Variants in PRKACB observed in about 807,000 individuals in gnomAD.
PRKACB encodes protein kinase cAMP-activated catalytic subunit beta.
In PRKACB, 16 loss-of-function variants were observed where a neutral mutation model predicts 51.4. That is an observed-to-expected ratio of 0.31 (90% confidence interval 0.21 to 0.47). PRKACB has a LOEUF of 0.47. Ranked by LOEUF, PRKACB falls within the 20% of genes least tolerant of loss-of-function variation. The probability of loss-of-function intolerance (pLI) is 1.00; values close to 1 mark genes in which losing one functional copy is unlikely to be tolerated. For synonymous variants in PRKACB, 147 were observed against 154.4 expected (o/e 0.95, Z 0.35); for missense variants, 309 against 464.5 (o/e 0.67, Z 3.08).
At chr1:84,086,313 C>G in intron 1 of PRKACB, 2 of 890,174 alleles carry the variant, frequency 2.2e-6, no homozygotes, top group Admixed American at 1.9e-5. Flanking sequence ...TCCCTCCTGT[C>G]TGGCCCCTGG....
At chr1:84,114,913 A>G (rs192926406) in intron 1 of PRKACB, among the ~76,000 whole-genome samples, 102 of 152,338 alleles carry the variant, frequency 6.7e-4, no homozygotes, top group African/African-American at 2.3e-3. Flanking sequence ...CATATATGCC[A>G]CATATTCTTT....
At chr1:84,087,815 G>A (rs913754960) in intron 1 of PRKACB, among the ~76,000 whole-genome samples, 2 of 152,042 alleles carry the variant, frequency 1.3e-5, no homozygotes, top group South Asian at 2.1e-4. Context: ...TTGTTTCCCC[G>A]ATATGGTGGT....
intron 1 of PRKACB, among the ~76,000 whole-genome samples, chr1:84,113,639 A>G (rs1650405771): frequency 6.6e-6 from 1 of 152,206 alleles, no homozygotes; most frequent in Non-Finnish European, 1.5e-5. Flanking sequence ...AATATTGTTT[A>G]TCCATACAAT....
intron 1 of PRKACB, among the ~76,000 whole-genome samples, chr1:84,083,826 T>C (rs997268197): frequency 1.3e-5 from 2 of 152,134 alleles, no homozygotes; most frequent in African/African-American, 4.8e-5. Flanking sequence ...ATCTTACTTT[T>C]AAATGTATTC....
At chr1:84,080,215 C>T (rs931563661) in intron 1 of PRKACB, among the ~76,000 whole-genome samples, 1 of 152,102 alleles carries the variant, frequency 6.6e-6, no homozygotes, top group South Asian at 2.1e-4. Flanking sequence ...ATAATAGACT[C>T]TTCTGTGACC....
At chr1:84,213,644 GT>G (rs1672457089) in intron 8 of PRKACB, among the ~76,000 whole-genome samples, 4 of 152,236 alleles carry the variant, frequency 2.6e-5, no homozygotes, top group African/African-American at 9.6e-5. Flanking sequence ...AATGAAAAAT[GT>G]TTTCCTATAC....
At chr1:84,145,883 T>C (rs889219775) in intron 1 of PRKACB, among the ~76,000 whole-genome samples, 2 of 152,074 alleles carry the variant, frequency 1.3e-5, no homozygotes, top group African/African-American at 4.8e-5. Context: ...TGTTTTAATT[T>C]AAAGTTAAAT....
chr1:84,096,216 G>A (rs942585886), intron 1 of PRKACB, among the ~76,000 whole-genome samples: 22 of 151,976 alleles, frequency 1.4e-4, no homozygotes, highest in African/African-American at 4.8e-4. Flanking sequence ...GCCTGGTGGT[G>A]TTTATCAGGG....
intron 1 of PRKACB, among the ~76,000 whole-genome samples, chr1:84,079,018 G>T (rs1160526378): frequency 6.6e-6 from 1 of 152,170 alleles, no homozygotes; most frequent in Non-Finnish European, 1.5e-5. Flanking sequence ...AAAACTTAAA[G>T]GTCATTCGGA....
intron 2 of PRKACB, among the ~76,000 whole-genome samples, chr1:84,179,729 TA>T (rs962965938): frequency 7.8e-4 from 119 of 151,914 alleles, no homozygotes; most frequent in Non-Finnish European, 1.4e-3. Context: ...AAACTGTATA[TA>T]AAAAACCATC....
intron 3 of PRKACB, among the ~76,000 whole-genome samples, chr1:84,182,999 G>A (rs555978394): frequency 6.6e-6 from 1 of 151,920 alleles, no homozygotes; most frequent in African/African-American, 2.4e-5. Flanking sequence ...TAAATAAAAG[G>A]CCTAGATTAA....
chr1:84,151,259 T>A (rs570509092), intron 1 of PRKACB, among the ~76,000 whole-genome samples: 2 of 152,328 alleles, frequency 1.3e-5, no homozygotes, highest in Admixed American at 6.5e-5. Flanking sequence ...TAACATTATA[T>A]CTTTTTAAAA....
rs1320566305 is a variant in PRKACB, at chr1:84,181,725, A to T, written c.250-475A>T. 4.6e-6 allele frequency: 7 copies of T among 1,513,964 alleles called. No individual in the cohort carries two copies. The Admixed American group carries it at 1.4e-4, about 31-fold the overall frequency. 93.8% of individuals were successfully genotyped at this position (1,513,964 alleles called of 1,614,324 possible). A position where few individuals can be genotyped will look rare whatever the true frequency, so the allele number is the denominator to read the frequency against. On this transcript the variant is annotated intron_variant, in intron 2 of 9. Coordinates refer to ENST00000370685, the MANE Select transcript of PRKACB (RefSeq NM_182948.4). ...GAAATGAAGCAAGACTGATTTCTTC[A>T]CAGGTAACTTTAGTGAAAGAGCTCT... is the stretch of plus-strand genomic sequence containing the variant.
chr1:84,178,593 G>A (rs140518364), intron 1 of PRKACB, among the ~76,000 whole-genome samples: 387 of 152,034 alleles, frequency 2.5e-3, no homozygotes, highest in African/African-American at 8.8e-3. Context: ...TGTTAAACTG[G>A]ATTTTTTGTT....
intron 5 of PRKACB, among the ~76,000 whole-genome samples, chr1:84,190,602 TTTTG>T (rs575875617): frequency 5.9e-5 from 9 of 152,168 alleles, no homozygotes; most frequent in African/African-American, 2.2e-4. Flanking sequence ...ACAAAGATCA[TTTTG>T]TTTTAGTCTG....
intron 1 of PRKACB, among the ~76,000 whole-genome samples, chr1:84,172,026 T>C (rs751421635): frequency 1.3e-5 from 2 of 151,662 alleles, no homozygotes; most frequent in African/African-American, 4.8e-5. Context: ...TTACCTAATC[T>C]TTAACAATCA....
chr1:84,109,189 A>G (rs1650017609), intron 1 of PRKACB, among the ~76,000 whole-genome samples: 1 of 151,962 alleles, frequency 6.6e-6, no homozygotes, highest in South Asian at 2.1e-4. Context: ...GCCTACTGTA[A>G]ATAATGCTAC....
chr1:84,222,681 AG>A (rs1453761677), intron 9 of PRKACB, among the ~76,000 whole-genome samples: 1 of 152,194 alleles, frequency 6.6e-6, no homozygotes, highest in East Asian at 1.9e-4. Flanking sequence ...CATTTCCTGT[AG>A]GGCTGCTGTA....
chr1:84,097,395 T>G (rs1649006535), intron 1 of PRKACB, among the ~76,000 whole-genome samples: 1 of 151,368 alleles, frequency 6.6e-6, no homozygotes, highest in Non-Finnish European at 1.5e-5. Flanking sequence ...TGTAGGAGAG[T>G]TTCCATTGCC....
Sources: gnomAD v4.1 joint callset for allele counts (sites outside exome capture counted in the v4.1 genomes callset) on GRCh38, gnomAD v4.1.1 for gene constraint, MANE v1.5 for transcripts, NCBI Gene and HGNC (gene_info 2026-07-23, HGNC 2026-07-21) for gene names.